The following CCDC88C variants were observed in gnomAD, a reference collection of about 807,000 sequenced individuals.
The protein encoded by CCDC88C is coiled-coil and HOOK domain protein 88C, also known as protein Daple.
A neutral mutation model predicts 198.8 loss-of-function variants in CCDC88C; 131 were observed. That is an observed-to-expected ratio of 0.66 (90% CI 0.57 to 0.76). CCDC88C has a LOEUF of 0.76. CCDC88C is among the 30% of genes least tolerant of loss of function. The pLI is 0.00. For missense variants in CCDC88C, 2,553 were observed against 2,631.6 expected (o/e 0.97, Z 0.65); for synonymous variants, 1,166 against 1,114.7 (o/e 1.05, Z -0.92).
intron 2 of CCDC88C, among the ~76,000 whole-genome samples, chr14:91,413,392 A>G (rs1193234294): frequency 6.6e-6 from 1 of 152,238 alleles, no homozygotes; most frequent in Non-Finnish European, 1.5e-5. Context: ...GCCCAACATA[A>G]TAACACTAGG....
chr14:91,416,881 C>G (rs755695570), intron 1 of CCDC88C, 43 bp from the exon 2 acceptor site: 1 of 1,426,452 alleles, frequency 7.0e-7, no homozygotes, highest in Non-Finnish European at 9.8e-7. Context: ...GAAGTCACCC[C>G]GTGCGCACAA....
Position 91,273,331 on chromosome 14 carries a change from G to C in CCDC88C, c.5381C>G (p.Pro1794Arg), listed in dbSNP as rs200077683. The change falls in exon 30 of 30, where the codon CCT (proline) becomes CGT (arginine). Residue 1794 changes from proline to arginine, a missense_variant. Pro to Arg is a moderately radical substitution (Grantham distance 103). Transcript: ENST00000389857. This position sits in a 1 kb window ranked among gnomAD's most constrained non-coding sequence, Gnocchi z 5.6. ...GCTCAAGGAGGCACTGCGGCTGGCA[G>C]GTGCATGGGAAGCTGGGGGCACCGG... Reference protein sequence around the residue: ...QAPVPPASHAPASRSASLSRA... With the variant: ...QAPVPPASHARASRSASLSRA... 5.4e-4 allele frequency: 843 copies of C among 1,550,474 alleles called. 2 individuals carry two copies. The South Asian group carries it at 5.9e-3, about 11-fold the overall frequency.
At chr14:91,349,506 T>A (rs778953844) in intron 4 of CCDC88C, among the ~76,000 whole-genome samples, 3 of 152,192 alleles carry the variant, frequency 2.0e-5, no homozygotes, top group East Asian at 3.8e-4. Context: ...CGTGAATTTC[T>A]ACACCAAAAA....
At chr14:91,337,274 T>TG (rs1893088451) in intron 10 of CCDC88C, among the ~76,000 whole-genome samples, 1 of 152,264 alleles carries the variant, frequency 6.6e-6, no homozygotes, top group Non-Finnish European at 1.5e-5. Flanking sequence ...CACTAGCTGA[T>TG]GGCTATGGGG....
chr14:91,403,580 T>C (rs759277886), intron 3 of CCDC88C, among the ~76,000 whole-genome samples: 2 of 152,196 alleles, frequency 1.3e-5, no homozygotes, highest in Non-Finnish European at 2.9e-5. Context: ...CATTCAAGGC[T>C]CTTAATGAAA....
chr14:91,294,393 G>C (rs1162989530), intron 22 of CCDC88C, 75 bp from the exon 23 acceptor site: 1 of 1,532,364 alleles, frequency 6.5e-7, no homozygotes, highest in Non-Finnish European at 8.9e-7. Flanking sequence ...AGCTCCCAAA[G>C]GAAGAAGGCC....
At position 91,288,154 on chromosome 14, in the gene CCDC88C, G is replaced by A. The variant is rs563613804; in HGVS notation, c.4441+951C>T. On this transcript the variant is annotated intron_variant, in intron 25 of 29. Coordinates refer to ENST00000389857, the MANE Select transcript of CCDC88C (RefSeq NM_001080414.4). This position sits in a 1 kb window ranked among gnomAD's most constrained non-coding sequence, Gnocchi z 4.2. ...AAGAGCGTAAGAAAAATTCGAAGTG[G>A]TGGCCCTGTACCGTTTGATTGCCTC... Among the ~76,000 whole-genome samples, 4 of 152,330 alleles carry A rather than the reference G, an allele frequency of 2.6e-5. No individual in the cohort carries two copies. The highest frequency in any genetic ancestry group is 6.5e-5 in the Admixed American group (1 of 15,312).
chr14:91,390,196 C>A (rs776640484), intron 3 of CCDC88C, among the ~76,000 whole-genome samples: 53 of 152,166 alleles, frequency 3.5e-4, no homozygotes, highest in Non-Finnish European at 5.3e-4. Flanking sequence ...ACTTTCAAGG[C>A]GGGGCTGGGG....
rs757811514 is a variant in CCDC88C at position 91,299,966 on chromosome 14, G to A, written c.3740C>T (p.Ala1247Val). 2 of 1,593,396 alleles carry A rather than the reference G, an allele frequency of 1.3e-6. No homozygotes were observed. Among genetic ancestry groups the A allele is most frequent in the Admixed American group, 3.5e-5 (2 of 57,238 alleles). The change falls in exon 21 of 30, where the codon GCC becomes GTC. Residue 1247 changes from alanine to valine, a missense_variant. This residue lies in a region of CCDC88C where 1,293 missense variants were observed against 1,219.6 expected (regional missense o/e 1.06). Coordinates refer to ENST00000389857, the MANE Select transcript of CCDC88C (RefSeq NM_001080414.4). ...LQQEQRTNALAMGENQRLRGE... is the reference protein window; with the variant it reads ...LQQEQRTNALVMGENQRLRGE... ...CCGCAGCCTCTGGTTCTCGCCCATG[G>A]CGAGGGCGTTTGTCCTCTGCTCCTG...
intron 4 of CCDC88C, among the ~76,000 whole-genome samples, chr14:91,351,296 G>A (rs973780498): frequency 1.3e-5 from 2 of 152,196 alleles, no homozygotes; most frequent in Non-Finnish European, 2.9e-5. Context: ...GGCTGTCACA[G>A]TGATTTGAAA....
At chr14:91,363,076 C>G (rs1488272753) in intron 3 of CCDC88C, among the ~76,000 whole-genome samples, 1 of 152,184 alleles carries the variant, frequency 6.6e-6, no homozygotes, top group East Asian at 1.9e-4. Context: ...AAAGAACCAT[C>G]AATCACATTT....
chr14:91,311,336 G>GTCATCTCTT (rs1891814488), intron 15 of CCDC88C, among the ~76,000 whole-genome samples: 1 of 152,240 alleles, frequency 6.6e-6, no homozygotes, highest in Admixed American at 6.5e-5. Context: ...TGGATCGTCA[G>GTCATCTCTT]TCATCTCTTT....
intron 22 of CCDC88C, among the ~76,000 whole-genome samples, chr14:91,294,582 A>C (rs1174308301): frequency 2.6e-5 from 4 of 152,260 alleles, no homozygotes; most frequent in African/African-American, 9.6e-5. Context: ...ATGATGCACA[A>C]GTGCAAAATA....
chr14:91,273,532 T>C lies in CCDC88C; in HGVS notation c.5180A>G (p.Asn1727Ser). The C allele has an allele frequency of 6.6e-7, 1 of 1,525,846 alleles. No individual in the cohort carries two copies. Among genetic ancestry groups the C allele is most frequent in the Admixed American group, 2.2e-5 (1 of 45,950 alleles). The allele number at this position is 1,525,846 out of a possible 1,614,324, so 94.5% of individuals were successfully genotyped here. A position where few individuals can be genotyped will look rare whatever the true frequency, so the allele number is the denominator to read the frequency against. ...CATTTTGACGGTGGGGGCCACAAAGTTGGTGGGCATCTTGGCCCCTTCTTT... is the reference window on the plus strand; with the variant it reads ...CATTTTGACGGTGGGGGCCACAAAGCTGGTGGGCATCTTGGCCCCTTCTTT... Reference protein sequence around the residue: ...AKKEGAKMPTNFVAPTVKMAA... With the variant: ...AKKEGAKMPTSFVAPTVKMAA... The change falls in exon 30 of 30, where the codon AAC becomes AGC. Residue 1727 changes from asparagine (N) to serine (S), a missense_variant. Coordinates refer to ENST00000389857, the MANE Select transcript of CCDC88C (RefSeq NM_001080414.4). The surrounding 1 kb of genome is among the most constrained non-coding windows in gnomAD (Gnocchi z 5.6).
At chr14:91,309,332 G>C (rs1371384643) in intron 16 of CCDC88C, among the ~76,000 whole-genome samples, 6 of 152,230 alleles carry the variant, frequency 3.9e-5, no homozygotes, top group African/African-American at 1.4e-4. Flanking sequence ...GCTGGGAGCA[G>C]TGGCTCACAC....
intron 10 of CCDC88C, among the ~76,000 whole-genome samples, chr14:91,331,898 G>C (rs1406035013): frequency 6.6e-6 from 1 of 151,874 alleles, no homozygotes; most frequent in Non-Finnish European, 1.5e-5. Context: ...GGTATACACT[G>C]TGCCCAGGTA....
rs1891051588 is a variant in CCDC88C at position 91,297,324 on chromosome 14, T to C, written c.3947A>G (p.Lys1316Arg). The C allele has an allele frequency of 6.2e-7, 1 of 1,613,382 alleles. No individual in the cohort carries two copies. The highest frequency in any genetic ancestry group is 1.1e-5 in the South Asian group (1 of 90,914). Residue 1316 changes from lysine to arginine, a missense_variant, in exon 22 of 30, where the codon AAG becomes AGG. Physicochemically the swap from Lys to Arg is conservative, Grantham distance 26. This residue lies in a region of CCDC88C where 1,293 missense variants were observed against 1,219.6 expected (regional missense o/e 1.06). Transcript: ENST00000389857. ...QHQTMDISLT[K>R]LDNHCELLSR... ...CCTCACCTCACAGTGGTTGTCCAGC[T>C]TGGTCAGCGAGATGTCCATGGTCTG...
In CCDC88C at chr14:91,379,787, T is replaced by C; in HGVS notation, c.271-20076A>G. On this transcript the variant is annotated intron_variant, in intron 3 of 29. Coordinates refer to ENST00000389857, the MANE Select transcript of CCDC88C (RefSeq NM_001080414.4). Reference sequence around the variant, plus strand: ...CCGGGCCTCCTGCGGGGGTGTCTTGTTCACTGTCCACTTCCACTGGGTTTG... The same window carrying C: ...CCGGGCCTCCTGCGGGGGTGTCTTGCTCACTGTCCACTTCCACTGGGTTTG... 5.7e-6 allele frequency: 4 copies of C among 702,434 alleles called. 1 individual carries two copies. The South Asian group carries it at 5.9e-5, about 10-fold the overall frequency. The allele number at this position is 702,434 out of a possible 1,614,324, so 43.5% of individuals were successfully genotyped here.
chr14:91,345,571 A>G (rs1453794586), intron 4 of CCDC88C, among the ~76,000 whole-genome samples: 9 of 152,112 alleles, frequency 5.9e-5, no homozygotes, highest in African/African-American at 1.9e-4. Flanking sequence ...TAAGCTTTTC[A>G]TATTGACAAA....
Sources: allele counts gnomAD v4.1 joint callset (sites outside exome capture counted in the v4.1 genomes callset), GRCh38; gene constraint gnomAD v4.1.1; regional missense constraint gnomAD v4.1.1; non-coding constraint Gnocchi (gnomAD v3.1); transcripts MANE v1.5; gene names NCBI Gene and HGNC (gene_info 2026-07-23, HGNC 2026-07-21).